Variants in EGFL6 observed in about 807,000 individuals in gnomAD.
EGFL6 encodes the protein epidermal growth factor-like protein 6.
A neutral mutation model predicts 43.1 loss-of-function variants in EGFL6; 42 were observed. The observed-to-expected ratio is 0.98, with a 90% CI of 0.76 to 1.26. The LOEUF is 1.26. Among genes scored for constraint, EGFL6 ranks in the 50% most tolerant of loss-of-function variants. The probability of loss-of-function intolerance (pLI) is 0.00; values close to 1 mark genes in which losing one functional copy is unlikely to be tolerated. For synonymous variants in EGFL6, 164 were observed against 163.2 expected (o/e 1.01, Z -0.04); for missense variants, 429 against 427.8 (o/e 1.00, Z -0.02).
intron 1 of EGFL6, among the ~76,000 whole-genome samples, chrX:13,587,586 A>G (rs1342510076): frequency 8.9e-6 from 1 of 112,152 alleles, no homozygotes; most frequent in Non-Finnish European, 1.9e-5. Flanking sequence ...GGAGTTTATC[A>G]TAGGTTCTTT....
At chrX:13,630,353 G>A (rs748004289) in intron 11 of EGFL6, among the ~76,000 whole-genome samples, 10 of 111,401 alleles carry the variant, frequency 9.0e-5, no homozygotes, top group South Asian at 7.6e-4. Context: ...TTAATTATCC[G>A]GACATTTATT....
intron 6 of EGFL6, among the ~76,000 whole-genome samples, chrX:13,607,835 C>T (rs759314042): frequency 5.8e-4 from 65 of 112,140 alleles, no homozygotes; most frequent in African/African-American, 2.0e-3. Flanking sequence ...GGCAAATTTT[C>T]CTCCTCTAAA....
intron 11 of EGFL6, among the ~76,000 whole-genome samples, chrX:13,628,731 C>T (rs191104531): frequency 1.9e-3 from 213 of 111,547 alleles, no homozygotes; most frequent in Admixed American, 4.1e-3. Context: ...TGCTTTAACC[C>T]GGGAGGCGGA....
At chrX:13,582,631 C>T (rs1486982349) in intron 1 of EGFL6, among the ~76,000 whole-genome samples, 1 of 111,488 alleles carries the variant, frequency 9.0e-6, no homozygotes, top group Non-Finnish European at 1.9e-5. Flanking sequence ...GAAATTAATA[C>T]ACCTCAGATT....
chrX:13,569,865 C>T lies in EGFL6; in HGVS notation c.4C>T (p.Pro2Ser), dbSNP rs2045430265. The T allele has an allele frequency of 8.3e-7, 1 of 1,211,918 alleles. No homozygotes were observed. Among genetic ancestry groups the T allele is most frequent in the Non-Finnish European group, 1.1e-6 (1 of 895,260 alleles). ...AGGAAGGAGGACCCGTGCGAGAATG[C>T]CTCTGCCCTGGAGCCTTGCGCTCCC... M[P>S]LPWSLALPLL... Residue 2 changes from proline to serine, a missense_variant, in exon 1 of 12, where the codon CCT becomes TCT. Physicochemically the swap from Pro to Ser is moderately conservative, Grantham distance 74 (BLOSUM62 -1). Transcript: ENST00000361306.
At chrX:13,578,686 A>C (rs2045488335) in intron 1 of EGFL6, among the ~76,000 whole-genome samples, 1 of 110,707 alleles carries the variant, frequency 9.0e-6, no homozygotes, top group Middle Eastern at 4.2e-3. Flanking sequence ...AGGACAAAAA[A>C]CCAAACACCG....
intron 4 of EGFL6, among the ~76,000 whole-genome samples, 186 bp downstream of exon 4, chrX:13,600,280 CTTTTTTTTTTTTT>C (rs1231725425): frequency 4.5e-5 from 2 of 44,278 alleles, no homozygotes; most frequent in Non-Finnish European, 7.5e-5. Context: ...TTTCTTTCTT[CTTTTTTTTTTTTT>C]TTTTTTTTTT....
chrX:13,584,123 A>C (rs888290775), intron 1 of EGFL6, among the ~76,000 whole-genome samples: 24 of 112,144 alleles, frequency 2.1e-4, no homozygotes, highest in African/African-American at 7.5e-4. Flanking sequence ...TGTTTTAGAA[A>C]AGAGATAGCT....
At chrX:13,626,963 T>C (rs1362148047) in intron 10 of EGFL6, 48 bp from the exon 11 acceptor site, 1 of 1,173,855 alleles carries the variant, frequency 8.5e-7, no homozygotes, top group Admixed American at 2.4e-5. Context: ...AAAGCCAAAC[T>C]CCTTACAATT....
At chrX:13,603,289 A>G in intron 4 of EGFL6, 28 bp from the exon 5 acceptor site, 1 of 1,173,261 alleles carries the variant, frequency 8.5e-7, no homozygotes, top group South Asian at 2.0e-5. Context: ...CTCAAGAGAG[A>G]AAGGCTAATC....
intron 7 of EGFL6, among the ~76,000 whole-genome samples, chrX:13,610,066 G>A (rs1158119279): frequency 9.0e-6 from 1 of 111,696 alleles, no homozygotes; most frequent in Admixed American, 9.5e-5. Flanking sequence ...CCCATAAAAG[G>A]TTCACAGTAC....
chrX:13,583,392 C>T (rs1330075537), intron 1 of EGFL6, among the ~76,000 whole-genome samples: 1 of 111,528 alleles, frequency 9.0e-6, no homozygotes, highest in African/African-American at 3.3e-5. Context: ...TTCCATATCT[C>T]CCCCTAGCTC....
intron 4 of EGFL6, 120 bp downstream of exon 4, chrX:13,600,214 C>T: frequency 1.5e-6 from 1 of 658,700 alleles, no homozygotes; most frequent in South Asian, 4.8e-5. Flanking sequence ...TTGCCCCCAG[C>T]TAAAATGTTT....
chrX:13,608,814 A>G (rs1487328693), intron 7 of EGFL6, among the ~76,000 whole-genome samples: 1 of 112,683 alleles, frequency 8.9e-6, no homozygotes, highest in East Asian at 2.8e-4. Context: ...CAAACCTAAA[A>G]TAACAGTGGC....
chrX:13,595,072 C>G, intron 3 of EGFL6, 144 bp downstream of exon 3: 1 of 355,042 alleles, frequency 2.8e-6, no homozygotes, highest in Non-Finnish European at 4.8e-6. Context: ...TTTTCAATCT[C>G]TTCTCCTTGA....
At chrX:13,586,909 A>G (rs2045536762) in intron 1 of EGFL6, among the ~76,000 whole-genome samples, 1 of 112,612 alleles carries the variant, frequency 8.9e-6, no homozygotes, top group Non-Finnish European at 1.9e-5. Flanking sequence ...AAAGAAATAC[A>G]GTACTGTTAC....
rs148267756 is a variant in EGFL6, at chrX:13,628,135, C to G, written c.1551+859C>G. On this transcript the variant is annotated intron_variant, in intron 11 of 11. Coordinates refer to ENST00000361306, the MANE Select transcript of EGFL6 (RefSeq NM_015507.4). ...GGCATGGCCCAAGGCCTCAGGTAAA[C>G]AAAGGCACTCTTAATCAAAGAGGGT... Among the ~76,000 whole-genome samples the G allele has an allele frequency of 8.9e-3, 990 of 111,099 alleles. 8 individuals are homozygous for G. The highest frequency in any genetic ancestry group is 0.025 in the South Asian group (66 of 2,589).
rs375448294 is a variant in EGFL6 at position 13,623,917 on chromosome X, G to A, written c.1277G>A (p.Arg426Gln). 8.1e-5 allele frequency: 96 copies of A among 1,188,041 alleles called. No individual in the cohort carries two copies. The highest frequency in any genetic ancestry group is 1.0e-4 in the Non-Finnish European group (91 of 875,837). ...GATTTTGACTGGAATCCTGCTGATC[G>A]AGATAATGGTATTTATATTTGACAG... The part of the protein sequence containing the change: ...EDDFDWNPAD[R>Q]DNAIGFYMAV... The change falls in exon 10 of 12, where the codon CGA becomes CAA. Residue 426 changes from arginine to glutamine, a missense_variant. Coordinates refer to ENST00000361306, the MANE Select transcript of EGFL6 (RefSeq NM_015507.4).
At chrX:13,571,723 C>T (rs963863314) in intron 1 of EGFL6, among the ~76,000 whole-genome samples, 1 of 112,155 alleles carries the variant, frequency 8.9e-6, no homozygotes, top group South Asian at 3.7e-4. Flanking sequence ...TTTCTTTAGA[C>T]GATTATCAAG....
Sources: gnomAD v4.1 joint callset for allele counts (sites outside exome capture counted in the v4.1 genomes callset) on GRCh38, gnomAD v4.1.1 for gene constraint, MANE v1.5 for transcripts, NCBI Gene and HGNC (gene_info 2026-07-23, HGNC 2026-07-21) for gene names.